Variants in TGFBR3L observed in about 807,000 individuals in gnomAD.
TGFBR3L encodes transforming growth factor beta receptor 3 like.
In TGFBR3L, 21 loss-of-function variants were observed where a neutral mutation model predicts 20.4. The observed-to-expected ratio is 1.03, with a 90% CI of 0.73 to 1.48. TGFBR3L has a LOEUF of 1.48. TGFBR3L is among the 40% of genes most tolerant of loss of function. The pLI is 0.00. For synonymous variants in TGFBR3L, 245 were observed against 244.2 expected, an observed-to-expected ratio of 1.00 and a Z score of -0.03; for missense variants, 479 against 498.0, an observed-to-expected ratio of 0.96 and a Z score of 0.36.
Position 7,916,552 on chromosome 19 carries a change from C to A in TGFBR3L, c.276+9C>A. ...GCCGCGTGTTCGTGCAGGTGGGGAC[C>A]CCGGGGACACCAGGGGCGGATGGGG... is the stretch of plus-strand genomic sequence containing the variant. On this transcript the variant is annotated intron_variant, in intron 1 of 5. Coordinates refer to ENST00000565886, the MANE Select transcript of TGFBR3L (RefSeq NM_001195259.2). 1 of 1,470,460 alleles carries A rather than the reference C, an allele frequency of 6.8e-7. No homozygotes were observed. The highest frequency in any genetic ancestry group is 9.0e-7 in the Non-Finnish European group (1 of 1,114,974). 91.1% of individuals were successfully genotyped at this position (1,470,460 alleles called of 1,614,324 possible). A position where few individuals can be genotyped will look rare whatever the true frequency, so the allele number is the denominator to read the frequency against.
In TGFBR3L at chr19:7,916,740, CCGA is replaced by C. The variant is rs1352761814; in HGVS notation, c.397_399del (p.Asp133del). On this transcript the variant is annotated inframe_deletion, in exon 2 of 6. Coordinates refer to ENST00000565886, the MANE Select transcript of TGFBR3L (RefSeq NM_001195259.2). ...GCTCTGCTGCGTGAGGGCTGCCCCG[CCGA>C]CACCTCTGTCGCCTTCCCGCCACCG... 3.4e-6 allele frequency: 5 copies of C among 1,491,564 alleles called. No individual in the cohort carries two copies. The highest frequency in any genetic ancestry group is 4.4e-6 in the Non-Finnish European group (5 of 1,127,388). The allele number at this position is 1,491,564 out of a possible 1,614,324, so 92.4% of individuals were successfully genotyped here. A position where few individuals can be genotyped will look rare whatever the true frequency, so the allele number is the denominator to read the frequency against.
Position 7,915,267 on chromosome 19 carries a change from C to T in TGFBR3L, c.-1001C>T, listed in dbSNP as rs760703598. Among the ~76,000 whole-genome samples the T allele has an allele frequency of 3.9e-5, 6 of 152,044 alleles. 1 individual carries two copies. The highest frequency in any genetic ancestry group is 1.9e-4 in the East Asian group (1 of 5,182). ...CTGGGATTACAGGTGTGAGCCACCG[C>T]GCCCCACCGATGTCACTCTCTTTCA... On this transcript the variant is annotated 5_prime_UTR_variant, in exon 1 of 6. Coordinates refer to ENST00000565886, the MANE Select transcript of TGFBR3L (RefSeq NM_001195259.2).
rs1260753386 is a variant in TGFBR3L, at chr19:7,915,882, C to A, written c.-386C>A. 1.3e-5 allele frequency among the ~76,000 whole-genome samples: 2 copies of A among 152,200 alleles called. No homozygotes were observed. The highest frequency in any genetic ancestry group is 1.3e-4 in the Admixed American group (2 of 15,284). ...GGAGGGGTCCCATGGCTGCCTCAGC[C>A]TGGACAAGTGGAAGCGTCTCAGATC... On this transcript the variant is annotated 5_prime_UTR_variant, in exon 1 of 6. Transcript: ENST00000565886.
chr19:7,918,076 G>A lies in TGFBR3L; in HGVS notation c.903G>A (p.Pro301=). The A allele has an allele frequency of 1.3e-6, 2 of 1,535,678 alleles. No individual in the cohort carries two copies. Among genetic ancestry groups the A allele is most frequent in the South Asian group, 1.2e-5 (1 of 84,054 alleles). ...TTCCAGCGCCCCACGCCCCTGGCCC[G>A]CCCGCGAGAGCCTCGCCCAGCGGTC... The change falls in exon 5 of 6, where the codon CCG becomes CCA. Residue 301 remains proline (P), a synonymous_variant. Transcript: ENST00000565886.
In TGFBR3L at chr19:7,916,516, C is replaced by G. The variant is rs1037327585; in HGVS notation, c.249C>G (p.Val83=). ...CTCGCCGCGCGGGGCCGCTCGAGGT[C>G]CCGGCCGACAGCCGCGTGTTCGTGC... Residue 83 remains valine (V), a synonymous_variant, in exon 1 of 6, where the codon GTC becomes GTG. Coordinates refer to ENST00000565886, the MANE Select transcript of TGFBR3L (RefSeq NM_001195259.2). The G allele has an allele frequency of 6.6e-7, 1 of 1,511,446 alleles. No individual in the cohort carries two copies. The highest frequency in any genetic ancestry group is 1.4e-5 in the African/African-American group (1 of 72,020). 93.6% of individuals were successfully genotyped at this position (1,511,446 alleles called of 1,614,324 possible).
At position 7,916,961 on chromosome 19, in the gene TGFBR3L, T is replaced by G; in HGVS notation, c.597+19T>G. The G allele has an allele frequency of 7.8e-7, 1 of 1,276,662 alleles. No homozygotes were observed. The highest frequency in any genetic ancestry group is 9.8e-7 in the Non-Finnish European group (1 of 1,018,824). 79.1% of individuals were successfully genotyped at this position (1,276,662 alleles called of 1,614,324 possible). A position where few individuals can be genotyped will look rare whatever the true frequency, so the allele number is the denominator to read the frequency against. On this transcript the variant is annotated intron_variant, in intron 2 of 5. Transcript: ENST00000565886. ...ATCGCGGGTGCGCGGGCGCAGAGCC[T>G]GGAATCCGGGCGCTGGGGCCCTTCG...
rs1051668757 is a variant in TGFBR3L at position 7,915,009 on chromosome 19, C to T, written c.-1259C>T. On this transcript the variant is annotated 5_prime_UTR_variant, in exon 1 of 6. Coordinates refer to ENST00000565886, the MANE Select transcript of TGFBR3L (RefSeq NM_001195259.2). Reference sequence around the variant, plus strand: ...ATTTTTTTTGAGATGGAGTCTTGCTCTGCCACGCAGGCTGGAGTGCAGTGG... The same window carrying T: ...ATTTTTTTTGAGATGGAGTCTTGCTTTGCCACGCAGGCTGGAGTGCAGTGG... 2.0e-5 allele frequency among the ~76,000 whole-genome samples: 3 copies of T among 152,150 alleles called. No individual in the cohort carries two copies. The highest frequency in any genetic ancestry group is 7.2e-5 in the African/African-American group (3 of 41,542).
chr19:7,917,015 G>T, intron 2 of TGFBR3L, 73 bp downstream of exon 3: 2 of 1,260,664 alleles, frequency 1.6e-6, no homozygotes, highest in Non-Finnish European at 2.0e-6. Context: ...CTCTGGCAGT[G>T]GAAAGAGGAT....
Position 7,915,952 on chromosome 19 carries a change from G to T in TGFBR3L, c.-316G>T, listed in dbSNP as rs1983262323. Among the ~76,000 whole-genome samples, 1 of 152,150 alleles carries T rather than the reference G, an allele frequency of 6.6e-6. No individual in the cohort carries two copies. Among genetic ancestry groups the T allele is most frequent in the South Asian group, 2.1e-4 (1 of 4,826 alleles). ...TTGGCTGTGCCCAGGAGAGCCTCTT[G>T]GGAGGGTATCCTCTTCACTTCCCTT... On this transcript the variant is annotated 5_prime_UTR_variant, in exon 1 of 6. Transcript: ENST00000565886.
chr19:7,916,396 C>G lies in TGFBR3L; in HGVS notation c.129C>G (p.Pro43=). The G allele has an allele frequency of 3.9e-6, 6 of 1,535,202 alleles. No homozygotes were observed. Among genetic ancestry groups the G allele is most frequent in the Non-Finnish European group, 5.2e-6 (6 of 1,146,556 alleles). ...TTCTCTCCTTTGGGCCGCCCTTCCC[C>G]GCCCCGCCAGCTCCCCCGTTCCCCG... Residue 43 remains proline (P), a synonymous_variant, in exon 1 of 6, where the codon CCC becomes CCG. Coordinates refer to ENST00000565886, the MANE Select transcript of TGFBR3L (RefSeq NM_001195259.2).
At position 7,918,947 on chromosome 19, in the gene TGFBR3L, T is replaced by A. The variant is rs568458751; in HGVS notation, c.*36T>A. 2 of 398,560 alleles carry A rather than the reference T, an allele frequency of 5.0e-6. No individual in the cohort carries two copies. Among genetic ancestry groups the A allele is most frequent in the Non-Finnish European group, 4.4e-6 (1 of 226,068 alleles). The allele number at this position is 398,560 out of a possible 1,614,324, so 24.7% of individuals were successfully genotyped here. On this transcript the variant is annotated 3_prime_UTR_variant, in exon 6 of 6. Transcript: ENST00000565886. ...GTGCGCCCCCAACATGGTCCGGAGA[T>A]ACACCCAGCTACCAATTCGGGACCA... is the stretch of plus-strand genomic sequence containing the variant.
At position 7,917,522 on chromosome 19, in the gene TGFBR3L, A is replaced by AG; in HGVS notation, c.650dup (p.Leu218ProfsTer4). ...GCCGACACTGGCAGTGGCAGCGCCG[A>AG]GGGCCTGGCTGCTGACGGCCCCCAC... On this transcript the variant is annotated frameshift_variant, in exon 3 of 6. Coordinates refer to ENST00000565886, the MANE Select transcript of TGFBR3L (RefSeq NM_001195259.2). LOFTEE classifies it high-confidence loss of function. 6.6e-7 allele frequency: 1 copy of AG among 1,524,286 alleles called. No homozygotes were observed. Among genetic ancestry groups the AG allele is most frequent in the Non-Finnish European group, 8.8e-7 (1 of 1,142,124 alleles). The allele number at this position is 1,524,286 out of a possible 1,614,324, so 94.4% of individuals were successfully genotyped here. A position where few individuals can be genotyped will look rare whatever the true frequency, so the allele number is the denominator to read the frequency against.
intron 5 of TGFBR3L, 59 bp from the exon 7 acceptor site, chr19:7,918,858 G>A (rs1412041858): frequency 7.5e-6 from 3 of 398,330 alleles, no homozygotes; most frequent in Non-Finnish European, 1.3e-5. Context: ...GGTCTGCTGG[G>A]AAGGGAGGTG....
At position 7,915,082 on chromosome 19, in the gene TGFBR3L, C is replaced by T. The variant is rs537563037; in HGVS notation, c.-1186C>T. Among the ~76,000 whole-genome samples the T allele has an allele frequency of 6.6e-6, 1 of 152,328 alleles. No individual in the cohort carries two copies. The highest frequency in any genetic ancestry group is 1.5e-5 in the Non-Finnish European group (1 of 68,034). On this transcript the variant is annotated 5_prime_UTR_variant, in exon 1 of 6. Coordinates refer to ENST00000565886, the MANE Select transcript of TGFBR3L (RefSeq NM_001195259.2). Reference sequence around the variant, plus strand: ...CTCCGCCTCCCCGGTTCAAGTGATTCTCCTGCCTCAGCCTCCTGAGTAGCT... The same window carrying T: ...CTCCGCCTCCCCGGTTCAAGTGATTTTCCTGCCTCAGCCTCCTGAGTAGCT...
At position 7,919,048 on chromosome 19, in the gene TGFBR3L, CCT is replaced by C. The variant is rs749809594; in HGVS notation, c.*138_*139del. Reference sequence around the variant, plus strand: ...ACGACCCCTGCGCTTCTCTCCTCCCCCTGTCCCTCCCACCTGTGCTCAAAATA... The same window carrying C: ...ACGACCCCTGCGCTTCTCTCCTCCCCGTCCCTCCCACCTGTGCTCAAAATA... On this transcript the variant is annotated 3_prime_UTR_variant, in exon 6 of 6. Transcript: ENST00000565886. The C allele has an allele frequency of 1.9e-4, 75 of 398,790 alleles. No individual in the cohort carries two copies. The highest frequency in any genetic ancestry group is 2.8e-4 in the Non-Finnish European group (63 of 226,230). 24.7% of individuals were successfully genotyped at this position (398,790 alleles called of 1,614,324 possible).
At position 7,917,699 on chromosome 19, in the gene TGFBR3L, AG is replaced by A; in HGVS notation, c.726del. 1 of 1,422,492 alleles carries A rather than the reference AG, an allele frequency of 7.0e-7. No homozygotes were observed. The highest frequency in any genetic ancestry group is 3.0e-5 in the Admixed American group (1 of 33,792). The allele number at this position is 1,422,492 out of a possible 1,614,324, so 88.1% of individuals were successfully genotyped here. ...CCAGTCTCAGCGTGGCACTTCCCAC[AG>A]GGCCGCCCAAGAGTGTCCCCGGCCG... On this transcript the variant is annotated splice_acceptor_variant, in intron 3 of 5. Transcript: ENST00000565886. LOFTEE classifies it high-confidence loss of function.
At chr19:7,918,003 C>T in intron 4 of TGFBR3L, 54 bp from the exon 6 acceptor site, 1 of 1,519,734 alleles carries the variant, frequency 6.6e-7, no homozygotes, top group Non-Finnish European at 8.8e-7. Context: ...AGGGGCCGCC[C>T]TTAGCCTGGC....
At position 7,918,142 on chromosome 19, in the gene TGFBR3L, G is replaced by A; in HGVS notation, c.*5+13G>A. On this transcript the variant is annotated intron_variant, in intron 5 of 5. Transcript: ENST00000565886. ...CCCAGTGAGGAAGGTAGGTATGGAG[G>A]TGGAGGGAGCTGGGTGAGGTAGGAG... The A allele has an allele frequency of 6.5e-7, 1 of 1,535,558 alleles. No homozygotes were observed. The highest frequency in any genetic ancestry group is 1.2e-5 in the South Asian group (1 of 84,006).
Position 7,915,691 on chromosome 19 carries a change from T to A in TGFBR3L, c.-577T>A, listed in dbSNP as rs1238719890. Among the ~76,000 whole-genome samples, 2 of 152,126 alleles carry A rather than the reference T, an allele frequency of 1.3e-5. No individual in the cohort carries two copies. The highest frequency in any genetic ancestry group is 2.4e-5 in the African/African-American group (1 of 41,418). ...AGGTGGAGGCTGCAGTGAGCTGTAT[T>A]CGCACCACTGCACTCCAGCCTGGGC... On this transcript the variant is annotated 5_prime_UTR_variant, in exon 1 of 6. Transcript: ENST00000565886.
Sources: gnomAD v4.1 joint callset for allele counts (sites outside exome capture counted in the v4.1 genomes callset) on GRCh38, gnomAD v4.1.1 for gene constraint, MANE v1.5 for transcripts, NCBI Gene and HGNC (gene_info 2026-07-23, HGNC 2026-07-21) for gene names.